Variants in TAFA5 observed in about 807,000 individuals in gnomAD.
TAFA5 encodes chemokine-like protein TAFA-5.
In TAFA5, 6 loss-of-function variants were observed where a neutral mutation model predicts 15.3. The ratio of observed to expected loss-of-function variants is 0.39; its 90% CI spans 0.21 to 0.77. TAFA5 has a LOEUF of 0.77. TAFA5 is among the 30% of genes least tolerant of loss of function. The pLI, the probability that TAFA5 is intolerant of heterozygous loss-of-function variation, is 0.41. For synonymous variants in TAFA5, 103 were observed against 80.7 expected (o/e 1.28, Z -1.48); for missense variants, 161 against 193.1 (o/e 0.83, Z 0.98).
chr22:48,671,076 T>C (rs1927788589), intron 2 of TAFA5, among the ~76,000 whole-genome samples: 2 of 152,126 alleles, frequency 1.3e-5, no homozygotes, highest in Admixed American at 6.5e-5. Context: ...ATGGGAGGAA[T>C]AGACTGTGCC....
rs1476772811 is a variant in TAFA5 at position 48,750,754 on chromosome 22, C to T, written c.*907C>T. On this transcript the variant is annotated 3_prime_UTR_variant, in exon 4 of 4. Transcript: ENST00000402357. The stretch of plus-strand genomic sequence containing the variant: ...GCCTCATCGATACCCCATTTAGCTC[C>T]AGAAAGCAAAGAAAACTCGAGTAAC... 1 of 152,842 alleles carries T rather than the reference C, an allele frequency of 6.5e-6. No individual in the cohort carries two copies. Among genetic ancestry groups the T allele is most frequent in the Admixed American group, 6.5e-5 (1 of 15,280 alleles). 9.5% of individuals were successfully genotyped at this position (152,842 alleles called of 1,614,324 possible). A position where few individuals can be genotyped will look rare whatever the true frequency, so the allele number is the denominator to read the frequency against.
intron 1 of TAFA5, among the ~76,000 whole-genome samples, chr22:48,641,147 C>T (rs1054127157): frequency 1.1e-4 from 17 of 151,624 alleles, no homozygotes; most frequent in Non-Finnish European, 1.5e-4. Flanking sequence ...GAAGCTGAGA[C>T]CGTGGGGGCA....
chr22:48,592,997 C>A (rs1028508014), intron 1 of TAFA5, among the ~76,000 whole-genome samples: 19 of 152,166 alleles, frequency 1.2e-4, no homozygotes, highest in Admixed American at 4.6e-4. Flanking sequence ...AGGGCCTCTT[C>A]AGAGCTAGCT....
intron 3 of TAFA5, among the ~76,000 whole-genome samples, chr22:48,714,096 CAG>C (rs1333044378): frequency 6.6e-6 from 1 of 152,254 alleles, no homozygotes; most frequent in Non-Finnish European, 1.5e-5. Flanking sequence ...TGCAGAAGGA[CAG>C]AGTGTCCGTG....
chr22:48,576,427 GC>G, intron 1 of TAFA5: 2 of 1,317,744 alleles, frequency 1.5e-6, no homozygotes, highest in Non-Finnish European at 2.0e-6. Flanking sequence ...CTGATGCGGC[GC>G]CTGGACCTTC....
intron 1 of TAFA5, among the ~76,000 whole-genome samples, chr22:48,557,301 G>A (rs1923074581): frequency 6.6e-6 from 1 of 152,194 alleles, no homozygotes. Context: ...ATGAGGACAA[G>A]GACAGGCACA....
At chr22:48,653,218 T>G (rs573738071) in intron 2 of TAFA5, among the ~76,000 whole-genome samples, 1 of 152,290 alleles carries the variant, frequency 6.6e-6, no homozygotes, top group South Asian at 2.1e-4. Context: ...AGCACACCCC[T>G]CCGTTCCATT....
chr22:48,700,812 A>G (rs115122973), intron 2 of TAFA5, among the ~76,000 whole-genome samples: 6,608 of 152,270 alleles, frequency 0.043, 443 homozygotes, highest in African/African-American at 0.14. Flanking sequence ...CGATCCTGTT[A>G]TAGCAAACAA....
At chr22:48,655,643 T>C (rs983448053) in intron 2 of TAFA5, among the ~76,000 whole-genome samples, 7 of 152,034 alleles carry the variant, frequency 4.6e-5, no homozygotes, top group Non-Finnish European at 8.8e-5. Context: ...GGGGGTTAAG[T>C]TTCCAACACG....
chr22:48,671,823 G>A (rs1418889715), intron 2 of TAFA5, among the ~76,000 whole-genome samples: 1 of 152,192 alleles, frequency 6.6e-6, no homozygotes, highest in Non-Finnish European at 1.5e-5. Flanking sequence ...GCTCCCTGAT[G>A]TGTGACCAGG....
At chr22:48,574,501 G>C (rs1437099409) in intron 1 of TAFA5, among the ~76,000 whole-genome samples, 1 of 152,086 alleles carries the variant, frequency 6.6e-6, no homozygotes, top group African/African-American at 2.4e-5. Flanking sequence ...TGATTGCCTT[G>C]ATCTATCTGA....
chr22:48,602,137 C>T (rs1050992423), intron 1 of TAFA5, among the ~76,000 whole-genome samples: 1 of 152,220 alleles, frequency 6.6e-6, no homozygotes, highest in African/African-American at 2.4e-5. Flanking sequence ...GGGCACATGC[C>T]CTCCCTCCTC....
intron 1 of TAFA5, among the ~76,000 whole-genome samples, chr22:48,509,950 C>CAAAAAAAAAAAAAAGAAAAAAAAAAAA (rs1921149870): frequency 1.1e-5 from 1 of 91,274 alleles, no homozygotes; most frequent in Non-Finnish European, 2.1e-5. Flanking sequence ...GAATCTGTCT[C>CAAAAAAAAAAAAAAGAAAAAAAAAAAA]AAAAAAAAAA....
chr22:48,530,772 G>A lies in TAFA5; in HGVS notation c.112+41068G>A, dbSNP rs1344267061. On this transcript the variant is annotated intron_variant, in intron 1 of 3. Coordinates refer to ENST00000402357, the MANE Select transcript of TAFA5 (RefSeq NM_001082967.3). The surrounding 1 kb of genome is among the most constrained non-coding windows in gnomAD (Gnocchi z 6.0). Reference sequence around the variant, plus strand: ...CCCAGGCCCACCCCTTCAGGGGGCCGGTGGCAGAGGGAGTTCCCAGGAGTG... The same window carrying A: ...CCCAGGCCCACCCCTTCAGGGGGCCAGTGGCAGAGGGAGTTCCCAGGAGTG... Among the ~76,000 whole-genome samples, 3 of 152,276 alleles carry A rather than the reference G, an allele frequency of 2.0e-5. No homozygotes were observed. The highest frequency in any genetic ancestry group is 2.1e-4 in the South Asian group (1 of 4,824).
chr22:48,512,899 G>C (rs2147102438), intron 1 of TAFA5, among the ~76,000 whole-genome samples: 1 of 145,126 alleles, frequency 6.9e-6, no homozygotes, highest in East Asian at 2.0e-4. Flanking sequence ...GTCCAGCCTG[G>C]GCGACAGAGC....
chr22:48,707,236 C>T (rs1929108111), intron 2 of TAFA5, among the ~76,000 whole-genome samples: 1 of 152,162 alleles, frequency 6.6e-6, no homozygotes, highest in African/African-American at 2.4e-5. Context: ...AAATCGACTC[C>T]CCATCTCCAG....
chr22:48,701,174 G>C (rs915268059), intron 2 of TAFA5, among the ~76,000 whole-genome samples: 2 of 152,192 alleles, frequency 1.3e-5, no homozygotes, highest in Non-Finnish European at 2.9e-5. Flanking sequence ...CTTCCATCCA[G>C]TAGAGGACAT....
intron 2 of TAFA5, among the ~76,000 whole-genome samples, chr22:48,681,824 G>GATGTGTTC (rs1171421734): frequency 1.8e-4 from 10 of 56,024 alleles, no homozygotes; most frequent in South Asian, 6.4e-4. Context: ...TCCACATGTA[G>GATGTGTTC]ACTCTCCCAC....
chr22:48,738,493 G>A lies in TAFA5; in HGVS notation c.391-11346G>A, dbSNP rs1049178150. 3.3e-5 allele frequency among the ~76,000 whole-genome samples: 5 copies of A among 152,054 alleles called. No homozygotes were observed. In the East Asian group the frequency reaches 5.8e-4, roughly 18 times the overall value. On this transcript the variant is annotated intron_variant, in intron 3 of 3. Coordinates refer to ENST00000402357, the MANE Select transcript of TAFA5 (RefSeq NM_001082967.3). ...CGCCTGTGCTCCTGAGTCTCATCTC[G>A]CTGCCTCTGGCCTCTCCTGACTCCT...
Sources: allele counts gnomAD v4.1 joint callset (sites outside exome capture counted in the v4.1 genomes callset), GRCh38; gene constraint gnomAD v4.1.1; non-coding constraint Gnocchi (gnomAD v3.1); transcripts MANE v1.5; gene names NCBI Gene and HGNC (gene_info 2026-07-23, HGNC 2026-07-21).